ABHD2: variants seen among roughly 807,000 people sequenced by gnomAD.
ABHD2 encodes the protein monoacylglycerol lipase ABHD2.
ABHD2 carries 20 observed loss-of-function variants against 48.1 expected under a neutral mutation model. That is an observed-to-expected ratio of 0.42 (90% confidence interval 0.29 to 0.60). ABHD2 has a LOEUF of 0.60. Ranked by LOEUF, ABHD2 falls within the 20% of genes least tolerant of loss-of-function variation. The pLI is 0.24. For synonymous variants in ABHD2, 209 were observed against 214.2 expected (o/e 0.98, Z 0.21); for missense variants, 405 against 550.9 (o/e 0.74, Z 2.65).
chr15:89,106,789 A>G lies in ABHD2; in HGVS notation c.-106-6936A>G, dbSNP rs187783996. 4.4e-3 allele frequency among the ~76,000 whole-genome samples: 664 copies of G among 152,282 alleles called. 7 individuals are homozygous for G. Among genetic ancestry groups the G allele is most frequent in the African/African-American group, 0.015 (625 of 41,546 alleles). ...ACTTTTATCTGGTGTAGCAAGTTCA[A>G]TAGTGACCCTCCAAAATTTATGTCC... On this transcript the variant is annotated intron_variant, in intron 1 of 10. Transcript: ENST00000352732. The surrounding 1 kb of genome is among the most constrained non-coding windows in gnomAD (Gnocchi z 4.2).
chr15:89,135,862 A>ACAGG, intron 3 of ABHD2: 1 of 704,192 alleles, frequency 1.4e-6, no homozygotes, highest in Non-Finnish European at 2.6e-6. Context: ...ACAGAACAGA[A>ACAGG]CAGGACAGAA....
the ABHD2 span, among the ~76,000 whole-genome samples, chr15:89,052,008 A>G: frequency 1.0e-3 from 154 of 152,320 alleles, no homozygotes; most frequent in Non-Finnish European, 1.9e-3. Context: ...TCCAGAGTGA[A>G]AGTTCACATG....
At chr15:89,057,780 AAAAG>A in the ABHD2 span, among the ~76,000 whole-genome samples, 2,472 of 152,162 alleles carry the variant, frequency 0.016, 52 homozygotes, top group African/African-American at 0.05. Context: ...TGAAAAAAAA[AAAAG>A]AAAGAAACAA....
the ABHD2 span, among the ~76,000 whole-genome samples, chr15:89,068,649 G>C: frequency 6.6e-6 from 1 of 150,984 alleles, no homozygotes; most frequent in African/African-American, 2.4e-5. Context: ...GCATTTTTAT[G>C]ACCTGGCCTC....
At chr15:89,131,150 C>G (rs759777861) in intron 3 of ABHD2, among the ~76,000 whole-genome samples, 3 of 152,218 alleles carry the variant, frequency 2.0e-5, no homozygotes, top group South Asian at 2.1e-4. Context: ...TCATGCCATG[C>G]CCCTGCTTTA....
Position 89,088,969 on chromosome 15 carries a change from G to T in ABHD2, c.-107+406G>T, listed in dbSNP as rs2150763749. Among the ~76,000 whole-genome samples the T allele has an allele frequency of 6.6e-6, 1 of 152,358 alleles. No homozygotes were observed. The highest frequency in any genetic ancestry group is 1.9e-4 in the East Asian group (1 of 5,180). ...GGGCCGAGGGGCCTGATTACAGCCC[G>T]AGATACCCGAGAGGCCTCTGTGTTT... is the stretch of plus-strand genomic sequence containing the variant. On this transcript the variant is annotated intron_variant, in intron 1 of 10. Coordinates refer to ENST00000352732, the MANE Select transcript of ABHD2 (RefSeq NM_152924.5). This position sits in a 1 kb window ranked among gnomAD's most constrained non-coding sequence, Gnocchi z 6.8.
At chr15:89,109,811 A>G (rs1232420343) in intron 1 of ABHD2, among the ~76,000 whole-genome samples, 1 of 152,186 alleles carries the variant, frequency 6.6e-6, no homozygotes, top group Non-Finnish European at 1.5e-5. Context: ...GCACACACTC[A>G]TACTTACACA....
intron 1 of ABHD2, among the ~76,000 whole-genome samples, chr15:89,095,382 C>A (rs1271729776): frequency 6.6e-6 from 1 of 152,198 alleles, no homozygotes; most frequent in Non-Finnish European, 1.5e-5. Flanking sequence ...ACAGACTACA[C>A]AATGTTGATA....
In ABHD2 at chr15:89,104,561, A is replaced by T. The variant is rs2049752423; in HGVS notation, c.-106-9164A>T. On this transcript the variant is annotated intron_variant, in intron 1 of 10. Coordinates refer to ENST00000352732, the MANE Select transcript of ABHD2 (RefSeq NM_152924.5). The surrounding 1 kb of genome is among the most constrained non-coding windows in gnomAD (Gnocchi z 4.4). ...TTGTCTGCTCCCAGTCGGCGTTGGG[A>T]AACCAGAACGCTCAGGAACGGTGAG... 6.6e-6 allele frequency among the ~76,000 whole-genome samples: 1 copy of T among 152,172 alleles called. No individual in the cohort carries two copies. The highest frequency in any genetic ancestry group is 2.4e-5 in the African/African-American group (1 of 41,444).
intron 1 of ABHD2, among the ~76,000 whole-genome samples, chr15:89,089,880 T>C (rs1359031836): frequency 2.6e-5 from 4 of 152,178 alleles, no homozygotes; most frequent in African/African-American, 9.7e-5. Context: ...ATACAGCTGG[T>C]AGTCAGCACG....
At chr15:89,144,913 T>C (rs1330220947) in intron 3 of ABHD2, among the ~76,000 whole-genome samples, 1 of 152,216 alleles carries the variant, frequency 6.6e-6, no homozygotes, top group African/African-American at 2.4e-5. Context: ...GTAAAGATCA[T>C]TGACCAGGAG....
chr15:89,140,032 C>G (rs1170157935), intron 3 of ABHD2, among the ~76,000 whole-genome samples: 1 of 152,172 alleles, frequency 6.6e-6, no homozygotes, highest in Non-Finnish European at 1.5e-5. Flanking sequence ...TGTAACACCT[C>G]TGCGTTTTGC....
the ABHD2 span, among the ~76,000 whole-genome samples, chr15:89,058,775 A>G: frequency 6.6e-6 from 1 of 152,190 alleles, no homozygotes; most frequent in Non-Finnish European, 1.5e-5. Flanking sequence ...AGACCATAGT[A>G]TCTGCCCTTG....
chr15:89,081,347 A>G, the ABHD2 span, among the ~76,000 whole-genome samples: 1 of 151,850 alleles, frequency 6.6e-6, no homozygotes, highest in Non-Finnish European at 1.5e-5. Flanking sequence ...GCTGAATAGT[A>G]TTCCATTACT....
At chr15:89,049,922 T>A in the ABHD2 span, among the ~76,000 whole-genome samples, 1 of 152,146 alleles carries the variant, frequency 6.6e-6, no homozygotes, top group African/African-American at 2.4e-5. Flanking sequence ...CCCCCGTATT[T>A]TTCTCTTTTC....
intron 9 of ABHD2, among the ~76,000 whole-genome samples, chr15:89,192,972 G>A (rs920404230): frequency 5.3e-5 from 8 of 152,198 alleles, no homozygotes; most frequent in Admixed American, 1.3e-4. Context: ...TAAAAGGAGT[G>A]GCTAATCTGA....
the ABHD2 span, among the ~76,000 whole-genome samples, chr15:89,058,093 A>C: frequency 6.6e-3 from 1,006 of 152,286 alleles, 12 homozygotes; most frequent in African/African-American, 0.023. Context: ...CCCTTAAATG[A>C]AGTATGCTCC....
the ABHD2 span, among the ~76,000 whole-genome samples, chr15:89,069,935 C>A: frequency 6.6e-6 from 1 of 152,126 alleles, no homozygotes; most frequent in Non-Finnish European, 1.5e-5. Flanking sequence ...CTGCCTCGAC[C>A]TCCCAAAGTG....
chr15:89,047,786 T>C, the ABHD2 span, among the ~76,000 whole-genome samples: 6 of 147,960 alleles, frequency 4.1e-5, no homozygotes, highest in Admixed American at 4.1e-4. Context: ...TGAGCCTATG[T>C]GTGTCTCTGC....
Sources: allele counts gnomAD v4.1 joint callset (sites outside exome capture counted in the v4.1 genomes callset), GRCh38; gene constraint gnomAD v4.1.1; non-coding constraint Gnocchi (gnomAD v3.1); transcripts MANE v1.5; gene names NCBI Gene and HGNC (gene_info 2026-07-23, HGNC 2026-07-21).